Variants in PHACTR3 observed in about 807,000 individuals in gnomAD.
The protein encoded by PHACTR3 is protein phosphatase 1, regulatory subunit 123.
In PHACTR3, 16 loss-of-function variants were observed where a neutral mutation model predicts 66.8. That is an observed-to-expected ratio of 0.24 (90% CI 0.16 to 0.36). The LOEUF (loss-of-function observed/expected upper bound fraction) is 0.36. Among genes scored for constraint, PHACTR3 ranks in the 10% least tolerant of loss-of-function variants. The pLI, the probability that PHACTR3 is intolerant of heterozygous loss-of-function variation, is 1.00. For missense variants in PHACTR3, 647 were observed against 719.9 expected, an observed-to-expected ratio of 0.90 and a Z score of 1.16; for synonymous variants, 323 against 292.1, an observed-to-expected ratio of 1.11 and a Z score of -1.08.
chr20:59,644,440 C>T (rs1189172670), intron 1 of PHACTR3, among the ~76,000 whole-genome samples: 2 of 152,188 alleles, frequency 1.3e-5, no homozygotes, highest in African/African-American at 2.4e-5. Flanking sequence ...TTCCCTGGTC[C>T]TTGTCCTCCC....
chr20:59,767,629 CTG>C lies in PHACTR3; in HGVS notation c.751+237_751+238del, dbSNP rs200000665. On this transcript the variant is annotated intron_variant, in intron 5 of 12. Transcript: ENST00000371015. ...AGAGGAGTAGATCTTACCAAGGAAACTGTGGTTGGCAGGAGTAGACTGCCTAG... is the reference window on the plus strand; with the variant it reads ...AGAGGAGTAGATCTTACCAAGGAAACTGGTTGGCAGGAGTAGACTGCCTAG... Among the ~76,000 whole-genome samples, 878 of 152,262 alleles carry C rather than the reference CTG, an allele frequency of 5.8e-3. 7 individuals are homozygous for C. The highest frequency in any genetic ancestry group is 0.02 in the African/African-American group (830 of 41,554).
intron 1 of PHACTR3, among the ~76,000 whole-genome samples, chr20:59,735,449 G>A (rs556774705): frequency 2.2e-4 from 33 of 152,224 alleles, no homozygotes; most frequent in African/African-American, 7.5e-4. Flanking sequence ...ACATGGCACT[G>A]AGTACCTGAC....
At chr20:59,839,968 A>G (rs1012409447) in intron 9 of PHACTR3, among the ~76,000 whole-genome samples, 1 of 152,206 alleles carries the variant, frequency 6.6e-6, no homozygotes, top group Non-Finnish European at 1.5e-5. Context: ...TGAAATGTAC[A>G]TATACATTTA....
chr20:59,751,254 C>T (rs2039570242), intron 3 of PHACTR3, among the ~76,000 whole-genome samples: 2 of 152,158 alleles, frequency 1.3e-5, no homozygotes, highest in African/African-American at 2.4e-5. Flanking sequence ...CTGGCAGGGA[C>T]GAATCTGCAG....
rs2426812 is a variant in PHACTR3, at chr20:59,685,410, C to T, written c.119-57697C>T. Among the ~76,000 whole-genome samples, 5 of 152,096 alleles carry T rather than the reference C, an allele frequency of 3.3e-5. No homozygotes were observed. In the South Asian group the frequency reaches 1.0e-3, roughly 32 times the overall value. Reference sequence around the variant, plus strand: ...TGGGTTTGAACCCTGTCTCTACCGCCTGCTTGCTTTGTGACCTGGTTCCTC... The same window carrying T: ...TGGGTTTGAACCCTGTCTCTACCGCTTGCTTGCTTTGTGACCTGGTTCCTC... On this transcript the variant is annotated intron_variant, in intron 1 of 12. Transcript: ENST00000371015.
intron 1 of PHACTR3, among the ~76,000 whole-genome samples, chr20:59,683,411 C>T (rs1389335530): frequency 2.6e-5 from 4 of 151,890 alleles, no homozygotes; most frequent in Non-Finnish European, 2.9e-5. Flanking sequence ...TGAGCTAACG[C>T]GCTCTCTCCC....
At chr20:59,799,627 C>T (rs868480204) in intron 7 of PHACTR3, among the ~76,000 whole-genome samples, 2 of 152,074 alleles carry the variant, frequency 1.3e-5, no homozygotes, top group South Asian at 4.1e-4. Flanking sequence ...CAGAATGGTA[C>T]ATCTTTTTTA....
At chr20:59,595,676 C>T (rs527512039) in intron 1 of PHACTR3, among the ~76,000 whole-genome samples, 38 of 152,210 alleles carry the variant, frequency 2.5e-4, no homozygotes, top group Non-Finnish European at 3.7e-4. Context: ...TTCTGATAGA[C>T]GGGTATTGCG....
chr20:59,624,657 C>T (rs182604294), intron 1 of PHACTR3, among the ~76,000 whole-genome samples: 4 of 152,180 alleles, frequency 2.6e-5, no homozygotes, highest in Non-Finnish European at 4.4e-5. Context: ...TCTGGCAACT[C>T]GGGTACCATT....
chr20:59,678,394 C>T (rs574767433), intron 1 of PHACTR3, among the ~76,000 whole-genome samples: 1 of 152,130 alleles, frequency 6.6e-6, no homozygotes, highest in African/African-American at 2.4e-5. Context: ...GGGAGCCACA[C>T]GCTTTGCACC....
chr20:59,785,800 G>A (rs975187688), intron 7 of PHACTR3, among the ~76,000 whole-genome samples: 11 of 152,158 alleles, frequency 7.2e-5, no homozygotes, highest in South Asian at 4.1e-4. Context: ...CCAGCACAGC[G>A]TGTGAGGTCC....
At chr20:59,650,837 G>T (rs2035437327) in intron 1 of PHACTR3, among the ~76,000 whole-genome samples, 2 of 151,662 alleles carry the variant, frequency 1.3e-5, no homozygotes, top group South Asian at 4.2e-4. Flanking sequence ...GATCTACCCA[G>T]AAGTTGCCCT....
At chr20:59,777,082 C>A (rs982409455) in intron 7 of PHACTR3, among the ~76,000 whole-genome samples, 8 of 152,150 alleles carry the variant, frequency 5.3e-5, no homozygotes, top group African/African-American at 1.7e-4. Flanking sequence ...CAAGGAGGAG[C>A]CATTCTCTTC....
intron 1 of PHACTR3, among the ~76,000 whole-genome samples, chr20:59,723,260 A>T (rs1011565737): frequency 6.6e-6 from 1 of 151,952 alleles, no homozygotes; most frequent in African/African-American, 2.4e-5. Context: ...CCCAAGAGGA[A>T]ACCCCATGTC....
At chr20:59,776,514 G>A (rs1007278043) in intron 7 of PHACTR3, among the ~76,000 whole-genome samples, 1 of 84,076 alleles carries the variant, frequency 1.2e-5, no homozygotes, top group Non-Finnish European at 3.6e-5. Flanking sequence ...ACACGGGGAG[G>A]ATAGCCCCTG....
intron 11 of PHACTR3, chr20:59,843,892 T>A (rs910285711): frequency 2.6e-5 from 4 of 151,878 alleles, no homozygotes; most frequent in African/African-American, 9.7e-5. Flanking sequence ...CAACAGGGAA[T>A]ATGAGAAAAT....
intron 1 of PHACTR3, among the ~76,000 whole-genome samples, chr20:59,713,402 G>A (rs943341238): frequency 1.3e-5 from 2 of 152,160 alleles, no homozygotes; most frequent in Admixed American, 6.5e-5. Context: ...CAGCCCAGTA[G>A]TCCCCTTGTG....
At chr20:59,608,744 C>T (rs1449016185) in intron 1 of PHACTR3, among the ~76,000 whole-genome samples, 1 of 152,250 alleles carries the variant, frequency 6.6e-6, no homozygotes, top group Non-Finnish European at 1.5e-5. Context: ...TGGCTCTGAG[C>T]TCCAGACCTC....
chr20:59,671,715 C>G lies in PHACTR3; in HGVS notation c.118+66583C>G, dbSNP rs575609792. 1.2e-3 allele frequency among the ~76,000 whole-genome samples: 190 copies of G among 152,344 alleles called. 2 individuals carry two copies. The highest frequency in any genetic ancestry group is 3.2e-4 in the Non-Finnish European group (22 of 68,038). On this transcript the variant is annotated intron_variant, in intron 1 of 12. Coordinates refer to ENST00000371015, the MANE Select transcript of PHACTR3 (RefSeq NM_080672.5). ...ATATTGGCTGTCTCCGGGGCCTGCACCATGCCTGGTAGATGAGGTCCATCC... is the reference window on the plus strand; with the variant it reads ...ATATTGGCTGTCTCCGGGGCCTGCAGCATGCCTGGTAGATGAGGTCCATCC...
Sources: allele counts gnomAD v4.1 joint callset (sites outside exome capture counted in the v4.1 genomes callset), GRCh38; gene constraint gnomAD v4.1.1; transcripts MANE v1.5; gene names NCBI Gene and HGNC (gene_info 2026-07-23, HGNC 2026-07-21).